The following PARP3 variants were observed in gnomAD, a reference collection of about 807,000 sequenced individuals.
PARP3 encodes poly(ADP-ribose) polymerase family member 3, also known as protein mono-ADP-ribosyltransferase PARP3.
In PARP3, 46 loss-of-function variants were observed where a neutral mutation model predicts 58.2. The observed-to-expected ratio is 0.79, with a 90% CI of 0.62 to 1.01. The LOEUF is 1.01. PARP3 is among the 50% of genes least tolerant of loss of function. PARP3 has a pLI of 0.00. For missense variants in PARP3, 663 were observed against 683.9 expected (o/e 0.97, Z 0.34); for synonymous variants, 252 against 266.4 (o/e 0.95, Z 0.53).
In PARP3 at chr3:51,943,550, TC is replaced by T. The variant is rs1341065521; in HGVS notation, c.183+16del. On this transcript the variant is annotated intron_variant, in intron 2 of 10. Transcript: ENST00000398755. Reference sequence around the variant, plus strand: ...ACCCCGGGACCCAGGTGAGCTGCAGTCCCCAGTCAGGCCCAGAGCCTGCCCA... The same window carrying T: ...ACCCCGGGACCCAGGTGAGCTGCAGTCCCAGTCAGGCCCAGAGCCTGCCCA... 2 of 1,603,370 alleles carry T rather than the reference TC, an allele frequency of 1.2e-6. No individual in the cohort carries two copies. Among genetic ancestry groups the T allele is most frequent in the Non-Finnish European group, 1.7e-6 (2 of 1,175,386 alleles).
At chr3:51,943,132 TG>T in intron 1 of PARP3, 1 of 1,032,852 alleles carries the variant, frequency 9.7e-7, no homozygotes, top group Non-Finnish European at 1.4e-6. Context: ...CACTTGGGAC[TG>T]GGGAAAGGGG....
chr3:51,946,388 G>C lies in PARP3; in HGVS notation c.1276+45G>C. ...CAAGCCCTGGGAGGGTTGGCACTAAGATGGATTGGGCCCAGTCCTTGGCCA... is the reference window on the plus strand; with the variant it reads ...CAAGCCCTGGGAGGGTTGGCACTAACATGGATTGGGCCCAGTCCTTGGCCA... On this transcript the variant is annotated intron_variant, in intron 9 of 10. Coordinates refer to ENST00000398755, the MANE Select transcript of PARP3 (RefSeq NM_001003931.4). The surrounding 1 kb of genome is among the most constrained non-coding windows in gnomAD (Gnocchi z 4.6). The C allele has an allele frequency of 1.3e-6, 2 of 1,493,082 alleles. No homozygotes were observed. The highest frequency in any genetic ancestry group is 1.8e-6 in the Non-Finnish European group (2 of 1,098,806). The allele number at this position is 1,493,082 out of a possible 1,614,324, so 92.5% of individuals were successfully genotyped here.
Position 51,945,879 on chromosome 3 carries a change from T to A in PARP3, c.1038T>A (p.Thr346=). ...TGATACAGACCTACTTAGAACAGAC[T>A]GGCAGCAACCACAGGTGCCCTACAC... is the stretch of plus-strand genomic sequence containing the variant. ...YKVIQTYLEQ[T]GSNHRCPTLQ... Residue 346 remains threonine, a synonymous_variant, in exon 8 of 11, where the codon ACT becomes ACA. Coordinates refer to ENST00000398755, the MANE Select transcript of PARP3 (RefSeq NM_001003931.4). 6.2e-7 allele frequency: 1 copy of A among 1,614,000 alleles called. No homozygotes were observed. Among genetic ancestry groups the A allele is most frequent in the Middle Eastern group, 1.7e-4 (1 of 6,058 alleles).
intron 9 of PARP3, chr3:51,947,539 G>T (rs776925567): frequency 1.5e-5 from 9 of 610,324 alleles, no homozygotes; most frequent in Non-Finnish European, 2.3e-5. Flanking sequence ...ACAGCAGAGG[G>T]TACAGATGCC....
In PARP3 at chr3:51,945,544, A is replaced by G. The variant is rs1401706763; in HGVS notation, c.911A>G (p.Gln304Arg). The change falls in exon 7 of 11, where the codon CAG (glutamine) becomes CGG (arginine). Residue 304 changes from glutamine (Q) to arginine (R), a missense_variant. Transcript: ENST00000398755. Reference protein sequence around the residue: ...LAQALQAVSEQEKTVEEVPHP... With the variant: ...LAQALQAVSEREKTVEEVPHP... ...CAGGCCCTGCAGGCAGTCTCTGAGC[A>G]GGAGAAGACGGTGGAGGAGGTGCCA... 6.2e-7 allele frequency: 1 copy of G among 1,613,938 alleles called. No individual in the cohort carries two copies. Among genetic ancestry groups the G allele is most frequent in the South Asian group, 1.1e-5 (1 of 91,088 alleles).
chr3:51,944,622 G>C lies in PARP3; in HGVS notation c.501+44G>C. On this transcript the variant is annotated intron_variant, in intron 4 of 10. Coordinates refer to ENST00000398755, the MANE Select transcript of PARP3 (RefSeq NM_001003931.4). This position sits in a 1 kb window ranked among gnomAD's most constrained non-coding sequence, Gnocchi z 4.2. ...GTGGGCAGGCCCTGGACTGAGGGAG[G>C]GGACTCGTTGGAGAGTTCCCGCTGG... 6.2e-7 allele frequency: 1 copy of C among 1,601,662 alleles called. No individual in the cohort carries two copies. Among genetic ancestry groups the C allele is most frequent in the South Asian group, 1.1e-5 (1 of 90,324 alleles).
Position 51,946,266 on chromosome 3 carries a change from GCAT to G in PARP3, c.1203_1205del (p.Ile401del), listed in dbSNP as rs781254663. ...GCCGCCATCCTCACTAGTGGGCTCC[GCAT>G]CATGCCACATTCTGGTGGGCGTGTT... On this transcript the variant is annotated inframe_deletion, in exon 9 of 11. Coordinates refer to ENST00000398755, the MANE Select transcript of PARP3 (RefSeq NM_001003931.4). The surrounding 1 kb of genome is among the most constrained non-coding windows in gnomAD (Gnocchi z 4.6). The G allele has an allele frequency of 9.9e-6, 16 of 1,613,852 alleles. No individual in the cohort carries two copies. The African/African-American group carries it at 2.1e-4, about 22-fold the overall frequency.
chr3:51,942,407 G>A lies in PARP3; in HGVS notation c.-304G>A, dbSNP rs946157557. ...CGTGCTGCAGGCCCCGGCCACATGA[G>A]CAGCGCTACGGACGCGACTGCCCCG... On this transcript the variant is annotated 5_prime_UTR_variant, in exon 1 of 11. Transcript: ENST00000398755. 1.8e-6 allele frequency: 1 copy of A among 563,290 alleles called. No homozygotes were observed. The highest frequency in any genetic ancestry group is 1.9e-5 in the African/African-American group (1 of 53,316). 34.9% of individuals were successfully genotyped at this position (563,290 alleles called of 1,614,324 possible).
rs774536705 is a variant in PARP3 at position 51,948,526 on chromosome 3, T to G, written c.*46T>G. On this transcript the variant is annotated 3_prime_UTR_variant, in exon 11 of 11. Coordinates refer to ENST00000398755, the MANE Select transcript of PARP3 (RefSeq NM_001003931.4). The stretch of plus-strand genomic sequence containing the variant: ...GGTCCTGCAAGGCTGGACTGTGATC[T>G]TCAATCATCCTGCCCATCTCTGGTA... The G allele has an allele frequency of 3.2e-6, 5 of 1,563,598 alleles. No homozygotes were observed. The South Asian group carries it at 4.5e-5, about 14-fold the overall frequency.
In PARP3 at chr3:51,946,151, T is replaced by G; in HGVS notation, c.1099-15T>G. 1 of 1,577,632 alleles carries G rather than the reference T, an allele frequency of 6.3e-7. No homozygotes were observed. The highest frequency in any genetic ancestry group is 1.2e-5 in the South Asian group (1 of 84,558). ...GGGTGGCATCACTCCCATTTCTCAC[T>G]TCCTCTCCACTCAGGAAGACAGATT... On this transcript the variant is annotated splice_polypyrimidine_tract_variant and intron_variant, in intron 8 of 10. Transcript: ENST00000398755. The surrounding 1 kb of genome is among the most constrained non-coding windows in gnomAD (Gnocchi z 4.6).
At position 51,947,731 on chromosome 3, in the gene PARP3, G is replaced by A. The variant is rs146017472; in HGVS notation, c.1277-9G>A. The A allele has an allele frequency of 7.2e-5, 117 of 1,614,088 alleles. No individual in the cohort carries two copies. In the African/African-American group the frequency reaches 1.4e-3, roughly 20 times the overall value. ...GAGCTGCCCACCGGTGCCTCCCTGTGTCTTGCAGTTATTGGCATGAAGTGT... is the reference window on the plus strand; with the variant it reads ...GAGCTGCCCACCGGTGCCTCCCTGTATCTTGCAGTTATTGGCATGAAGTGT... On this transcript the variant is annotated splice_polypyrimidine_tract_variant and intron_variant, in intron 9 of 10. Coordinates refer to ENST00000398755, the MANE Select transcript of PARP3 (RefSeq NM_001003931.4).
At position 51,946,156 on chromosome 3, in the gene PARP3, C is replaced by T. The variant is rs1283275736; in HGVS notation, c.1099-10C>T. 2 of 1,581,308 alleles carry T rather than the reference C, an allele frequency of 1.3e-6. No individual in the cohort carries two copies. The highest frequency in any genetic ancestry group is 8.6e-7 in the Non-Finnish European group (1 of 1,161,538). On this transcript the variant is annotated splice_polypyrimidine_tract_variant and intron_variant, in intron 8 of 10. Coordinates refer to ENST00000398755, the MANE Select transcript of PARP3 (RefSeq NM_001003931.4). This position sits in a 1 kb window ranked among gnomAD's most constrained non-coding sequence, Gnocchi z 4.6. ...GCATCACTCCCATTTCTCACTTCCT[C>T]TCCACTCAGGAAGACAGATTCCAGG...
At position 51,944,655 on chromosome 3, in the gene PARP3, C is replaced by T; in HGVS notation, c.501+77C>T. On this transcript the variant is annotated intron_variant, in intron 4 of 10. Transcript: ENST00000398755. This position sits in a 1 kb window ranked among gnomAD's most constrained non-coding sequence, Gnocchi z 4.2. The stretch of plus-strand genomic sequence containing the variant: ...TTGGAGAGTTCCCGCTGGTTGGGCT[C>T]TGCCACTGCCCAGCTGCGCAGCCTC... The T allele has an allele frequency of 6.3e-7, 1 of 1,580,498 alleles. No homozygotes were observed. Among genetic ancestry groups the T allele is most frequent in the South Asian group, 1.1e-5 (1 of 87,276 alleles).
At position 51,944,553 on chromosome 3, in the gene PARP3, A is replaced by G. The variant is rs1699626115; in HGVS notation, c.476A>G (p.Asp159Gly). The G allele has an allele frequency of 1.2e-6, 2 of 1,614,164 alleles. No homozygotes were observed. The highest frequency in any genetic ancestry group is 1.7e-6 in the Non-Finnish European group (2 of 1,180,014). Residue 159 changes from aspartate to glycine, a missense_variant, in exon 4 of 11, where the codon GAT becomes GGT. Asp to Gly is a moderately conservative substitution (Grantham distance 94). Coordinates refer to ENST00000398755, the MANE Select transcript of PARP3 (RefSeq NM_001003931.4). The surrounding 1 kb of genome is among the most constrained non-coding windows in gnomAD (Gnocchi z 4.2). ...ACACTTATCGAAGTACAGGCAGAGG[A>G]TGAGGCCCAGGAAGCTGTGGTGAAG... The part of the protein sequence containing the change: ...KYTLIEVQAE[D>G]EAQEAVVKVD...
In PARP3 at chr3:51,944,038, G is replaced by A. The variant is rs1237474367; in HGVS notation, c.184-51G>A. ...CAGAGCCCTCTCGGTGTACGGCCAGGCACCCCATCTGACCCCAGCCAGCCT... is the reference window on the plus strand; with the variant it reads ...CAGAGCCCTCTCGGTGTACGGCCAGACACCCCATCTGACCCCAGCCAGCCT... On this transcript the variant is annotated intron_variant, in intron 2 of 10. Coordinates refer to ENST00000398755, the MANE Select transcript of PARP3 (RefSeq NM_001003931.4). The surrounding 1 kb of genome is among the most constrained non-coding windows in gnomAD (Gnocchi z 4.2). 6.3e-7 allele frequency: 1 copy of A among 1,580,590 alleles called. No homozygotes were observed. Among genetic ancestry groups the A allele is most frequent in the Non-Finnish European group, 8.6e-7 (1 of 1,160,682 alleles).
Position 51,942,603 on chromosome 3 carries a change from C to A in PARP3, c.-108C>A. On this transcript the variant is annotated 5_prime_UTR_variant, in exon 1 of 11. Transcript: ENST00000398755. ...TGTTGGGAATTCTCTCCCTAATTCA[C>A]GCCTGAGGCTCATGGAGAGTTGCTA... 10 of 775,810 alleles carry A rather than the reference C, an allele frequency of 1.3e-5. No homozygotes were observed. The highest frequency in any genetic ancestry group is 2.3e-5 in the Non-Finnish European group (10 of 437,510). 48.1% of individuals were successfully genotyped at this position (775,810 alleles called of 1,614,324 possible). A position where few individuals can be genotyped will look rare whatever the true frequency, so the allele number is the denominator to read the frequency against.
chr3:51,947,515 TGACC>T, intron 9 of PARP3: 1 of 562,826 alleles, frequency 1.8e-6, no homozygotes, highest in Admixed American at 3.1e-5. Flanking sequence ...AGGCCATTGC[TGACC>T]TTGGTGAGGA....
At chr3:51,947,537 G>T in intron 9 of PARP3, 1 of 602,820 alleles carries the variant, frequency 1.7e-6, no homozygotes, top group Non-Finnish European at 2.9e-6. Flanking sequence ...GGACAGCAGA[G>T]GGTACAGATG....
Position 51,945,615 on chromosome 3 carries a change from C to T in PARP3, c.982C>T (p.Leu328=). 6.2e-7 allele frequency: 1 copy of T among 1,613,988 alleles called. No individual in the cohort carries two copies. The highest frequency in any genetic ancestry group is 1.1e-5 in the South Asian group (1 of 91,084). ...CCAGCTTCTCAAGTGCCAGCTGCAG[C>T]TGCTAGACTCTGGAGCACCTGAGTA... ...DYQLLKCQLQ[L]LDSGAPEYKV... is the part of the protein sequence containing the mutation. Residue 328 remains leucine, a synonymous_variant, in exon 7 of 11, where the codon CTG becomes TTG. Transcript: ENST00000398755.
Sources: allele counts gnomAD v4.1 joint callset, GRCh38; gene constraint gnomAD v4.1.1; non-coding constraint Gnocchi (gnomAD v3.1); transcripts MANE v1.5; gene names NCBI Gene and HGNC (gene_info 2026-07-23, HGNC 2026-07-21).